The following MPPED1 variants were observed in gnomAD, a reference collection of about 807,000 sequenced individuals.
MPPED1 encodes the protein metallophosphoesterase domain-containing protein 1.
Under a neutral mutation model 36.2 loss-of-function variants are expected in MPPED1, and 16 were observed. That is an observed-to-expected ratio of 0.44 (90% CI 0.30 to 0.67). The LOEUF is 0.67. Ranked by LOEUF, MPPED1 falls within the 30% of genes least tolerant of loss-of-function variation. The pLI is 0.10. For missense variants in MPPED1, 307 were observed against 453.4 expected (o/e 0.68, Z 2.93); for synonymous variants, 199 against 191.3 (o/e 1.04, Z -0.33).
rs1489510123 is a variant in MPPED1 at position 43,507,718 on chromosome 22, A to G, written c.*2102A>G. 1.3e-5 allele frequency: 2 copies of G among 152,244 alleles called. No individual in the cohort carries two copies. Among genetic ancestry groups the G allele is most frequent in the Non-Finnish European group, 2.9e-5 (2 of 68,022 alleles). 9.4% of individuals were successfully genotyped at this position (152,244 alleles called of 1,614,324 possible). ...CAGCTGTTACTTTAAGAGAAAATTC[A>G]TTAAAAGTCCTCGAGGTATGAAGAT... On this transcript the variant is annotated 3_prime_UTR_variant, in exon 7 of 7. Transcript: ENST00000443721.
chr22:43,466,948 TAA>T (rs1179748722), intron 3 of MPPED1, among the ~76,000 whole-genome samples: 1 of 152,228 alleles, frequency 6.6e-6, no homozygotes, highest in African/African-American at 2.4e-5. Flanking sequence ...ACTGTGAGTG[TAA>T]GCCTCCTTTG....
At chr22:43,414,050 C>T (rs5759327) in intron 1 of MPPED1, among the ~76,000 whole-genome samples, 33,468 of 152,152 alleles carry the variant, frequency 0.22, 4,910 homozygotes, top group East Asian at 0.61. Context: ...GCTGATGCCC[C>T]GTGGGCTATG....
At chr22:43,432,640 A>G (rs1277528680) in intron 2 of MPPED1, among the ~76,000 whole-genome samples, 30 of 504 alleles carry the variant, frequency 0.06, 8 homozygotes, top group Admixed American at 0.17. Flanking sequence ...AGAGAGAGAG[A>G]GAGGGAAAGA....
chr22:43,449,600 G>A (rs778501003), intron 3 of MPPED1, among the ~76,000 whole-genome samples: 10 of 152,030 alleles, frequency 6.6e-5, no homozygotes, highest in South Asian at 2.1e-4. Flanking sequence ...CCCCATCCCC[G>A]CACCCTGGAA....
chr22:43,501,528 G>T (rs1230340313), intron 5 of MPPED1, among the ~76,000 whole-genome samples: 1 of 152,170 alleles, frequency 6.6e-6, no homozygotes, highest in African/African-American at 2.4e-5. Context: ...AGGCACTCCA[G>T]CTGGTGCTGC....
At chr22:43,413,379 C>CAA (rs569176150) in intron 1 of MPPED1, among the ~76,000 whole-genome samples, 483 of 111,638 alleles carry the variant, frequency 4.3e-3, no homozygotes, top group Middle Eastern at 9.2e-3. Context: ...CTGGACTTTG[C>CAA]AAAAAAAAAA....
intron 1 of MPPED1, among the ~76,000 whole-genome samples, chr22:43,412,790 G>A (rs1412796287): frequency 2.0e-5 from 3 of 152,216 alleles, no homozygotes; most frequent in Non-Finnish European, 4.4e-5. Context: ...CCCTCAAAGG[G>A]AATGTTGATC....
chr22:43,457,338 G>C (rs1409043902), intron 3 of MPPED1, among the ~76,000 whole-genome samples: 1 of 151,824 alleles, frequency 6.6e-6, no homozygotes, highest in East Asian at 1.9e-4. Flanking sequence ...GCTCTCTTTT[G>C]GCGTCTGGAT....
At chr22:43,442,565 G>A (rs747479908) in intron 3 of MPPED1, among the ~76,000 whole-genome samples, 6 of 152,170 alleles carry the variant, frequency 3.9e-5, no homozygotes, top group South Asian at 4.1e-4. Context: ...TGGAGGGTGC[G>A]GTCGGGTGGG....
At chr22:43,424,834 A>G (rs967679331) in intron 1 of MPPED1, 74 bp from the exon 2 acceptor site, 5 of 1,442,078 alleles carry the variant, frequency 3.5e-6, no homozygotes, top group Non-Finnish European at 2.7e-6. Flanking sequence ...CCTCTTTCTA[A>G]ATCTTCATCT....
At chr22:43,430,646 G>A (rs1929642679) in intron 2 of MPPED1, among the ~76,000 whole-genome samples, 1 of 152,218 alleles carries the variant, frequency 6.6e-6, no homozygotes, top group African/African-American at 2.4e-5. Flanking sequence ...TGGGGAAGTT[G>A]AGTTTGGCTC....
chr22:43,432,006 T>G (rs1929703784), intron 2 of MPPED1, among the ~76,000 whole-genome samples: 2 of 152,138 alleles, frequency 1.3e-5, no homozygotes, highest in African/African-American at 4.8e-5. Flanking sequence ...CGCACTGCTC[T>G]TGGCTGGCTG....
intron 1 of MPPED1, chr22:43,418,050 A>G (rs771202336): frequency 4.4e-6 from 2 of 456,300 alleles, no homozygotes; most frequent in South Asian, 3.1e-5. Flanking sequence ...GACCCAGGAC[A>G]GCACCATATT....
At chr22:43,432,168 G>T (rs1929710505) in intron 2 of MPPED1, among the ~76,000 whole-genome samples, 1 of 151,792 alleles carries the variant, frequency 6.6e-6, no homozygotes, top group Admixed American at 6.6e-5. Flanking sequence ...CTTAGTCTTT[G>T]TCACCTTATG....
intron 3 of MPPED1, among the ~76,000 whole-genome samples, chr22:43,471,416 G>A (rs1220359026): frequency 6.6e-6 from 1 of 152,200 alleles, no homozygotes; most frequent in Non-Finnish European, 1.5e-5. Flanking sequence ...AGTCTGAGGT[G>A]CCCGTCTAGA....
At chr22:43,433,450 G>GTGAGTGAATGAGTGAA (rs1555898683) in intron 2 of MPPED1, among the ~76,000 whole-genome samples, 1 of 3,924 alleles carries the variant, frequency 2.5e-4, no homozygotes, top group Non-Finnish European at 1.1e-3. Flanking sequence ...GAGTGAATGA[G>GTGAGTGAATGAGTGAA]TGAGTGAATG....
chr22:43,500,428 AGGT>A (rs1381081190), intron 5 of MPPED1, among the ~76,000 whole-genome samples: 2 of 100,414 alleles, frequency 2.0e-5, no homozygotes, highest in East Asian at 5.7e-4. Flanking sequence ...GTGGTAATGG[AGGT>A]GGTGGTGGAG....
chr22:43,421,273 A>G (rs1262075230), intron 1 of MPPED1, among the ~76,000 whole-genome samples: 1 of 152,258 alleles, frequency 6.6e-6, no homozygotes, highest in African/African-American at 2.4e-5. Context: ...GGCTCCATAA[A>G]TATTAAATGG....
chr22:43,426,247 TGG>T (rs976014799), intron 2 of MPPED1, among the ~76,000 whole-genome samples: 3 of 151,978 alleles, frequency 2.0e-5, no homozygotes, highest in African/African-American at 7.2e-5. Context: ...GTGATGTGTG[TGG>T]ATGTTCATGC....
Sources: allele counts gnomAD v4.1 joint callset (sites outside exome capture counted in the v4.1 genomes callset), GRCh38; gene constraint gnomAD v4.1.1; transcripts MANE v1.5; gene names NCBI Gene and HGNC (gene_info 2026-07-23, HGNC 2026-07-21).